Variants in SYNPR observed in about 807,000 individuals in gnomAD.
SYNPR encodes synaptoporin.
In SYNPR, 23 loss-of-function variants were observed where a neutral mutation model predicts 32.9. That is an observed-to-expected ratio of 0.70 (90% confidence interval 0.50 to 0.99). The LOEUF (loss-of-function observed/expected upper bound fraction) is 0.99, where lower values mean the gene tolerates loss of function less well. SYNPR is among the 50% of genes least tolerant of loss of function. SYNPR has a pLI of 0.00. For missense variants in SYNPR, 318 were observed against 349.3 expected (o/e 0.91, Z 0.71); for synonymous variants, 146 against 135.9 (o/e 1.07, Z -0.52).
At chr3:63,481,235 T>C (rs1471859949) in intron 3 of SYNPR, among the ~76,000 whole-genome samples, 3 of 151,868 alleles carry the variant, frequency 2.0e-5, no homozygotes, top group African/African-American at 7.3e-5. Context: ...GAAAGGGAGA[T>C]TGGAGAAGTA....
chr3:63,568,857 G>C (rs1269562310), intron 4 of SYNPR, among the ~76,000 whole-genome samples: 1 of 152,154 alleles, frequency 6.6e-6, no homozygotes, highest in Non-Finnish European at 1.5e-5. Context: ...TTGCTGGTTT[G>C]ATTTAGGTTT....
intron 3 of SYNPR, among the ~76,000 whole-genome samples, chr3:63,272,681 G>C (rs1315405302): frequency 6.6e-6 from 1 of 152,038 alleles, no homozygotes; most frequent in East Asian, 1.9e-4. Flanking sequence ...ACAATGAAAT[G>C]CCATACCTTC....
Position 63,375,094 on chromosome 3 carries a change from G to T in SYNPR, c.84+96352G>T, listed in dbSNP as rs138211952. 2.1e-3 allele frequency among the ~76,000 whole-genome samples: 317 copies of T among 152,330 alleles called. 1 individual carries two copies. The highest frequency in any genetic ancestry group is 7.3e-3 in the African/African-American group (305 of 41,560). On this transcript the variant is annotated intron_variant, in intron 2 of 5. Transcript: ENST00000478300. ...AAACAGATGCTGGAGAGGATGCAGAGAAATAGGAACACTTTTACACTGTTG... is the reference window on the plus strand; with the variant it reads ...AAACAGATGCTGGAGAGGATGCAGATAAATAGGAACACTTTTACACTGTTG...
At chr3:63,370,924 T>A (rs1423769888) in intron 2 of SYNPR, among the ~76,000 whole-genome samples, 2 of 151,978 alleles carry the variant, frequency 1.3e-5, no homozygotes, top group African/African-American at 4.8e-5. Context: ...AGAATTTAAA[T>A]ATGGGGGAGA....
At chr3:63,515,819 T>C (rs1701787099) in intron 3 of SYNPR, among the ~76,000 whole-genome samples, 1 of 152,156 alleles carries the variant, frequency 6.6e-6, no homozygotes. Flanking sequence ...ACTATAGTCA[T>C]ATTACTGTTT....
At chr3:63,356,917 G>A (rs9841856) in intron 2 of SYNPR, among the ~76,000 whole-genome samples, 1 of 152,182 alleles carries the variant, frequency 6.6e-6, no homozygotes, top group Non-Finnish European at 1.5e-5. Flanking sequence ...GCTGGCTCTA[G>A]AAGCAAAATA....
chr3:63,219,219 T>G, the SYNPR span, among the ~76,000 whole-genome samples: 1 of 152,138 alleles, frequency 6.6e-6, no homozygotes, highest in Non-Finnish European at 1.5e-5. Context: ...GTGCCAAGCG[T>G]GAGTGGAAGA....
intron 2 of SYNPR, among the ~76,000 whole-genome samples, chr3:63,342,534 G>T (rs915849472): frequency 2.6e-5 from 4 of 152,118 alleles, no homozygotes; most frequent in African/African-American, 9.7e-5. Flanking sequence ...TTTTGTTGAT[G>T]ATTTTATGTC....
At chr3:63,353,251 A>C (rs760100032) in intron 2 of SYNPR, among the ~76,000 whole-genome samples, 3 of 152,226 alleles carry the variant, frequency 2.0e-5, no homozygotes, top group Non-Finnish European at 4.4e-5. Flanking sequence ...AGAAAAACAC[A>C]AATAGAGTGT....
chr3:63,553,808 G>A lies in SYNPR; in HGVS notation c.210-2735G>A, dbSNP rs368829702. 4.6e-5 allele frequency among the ~76,000 whole-genome samples: 7 copies of A among 152,174 alleles called. No homozygotes were observed. In the South Asian group the frequency reaches 1.2e-3, roughly 27 times the overall value. On this transcript the variant is annotated intron_variant, in intron 3 of 5. Transcript: ENST00000478300. ...GCGATCTCGGCTCATCGCAACCTCC[G>A]CCTCCTAGGTTCAAGTGATTCTCCT...
upstream of SYNPR, among the ~76,000 whole-genome samples, chr3:63,273,817 TG>T (rs1470596280): frequency 2.0e-5 from 3 of 152,226 alleles, no homozygotes; most frequent in African/African-American, 4.8e-5. Flanking sequence ...TATTCTTGCA[TG>T]TTTTTTTGCA....
intron 3 of SYNPR, among the ~76,000 whole-genome samples, chr3:63,520,120 T>C (rs1701877715): frequency 6.6e-6 from 1 of 152,230 alleles, no homozygotes; most frequent in Non-Finnish European, 1.5e-5. Flanking sequence ...TACAGCATAA[T>C]TTTAATATGT....
At chr3:63,535,052 C>G (rs1410404395) in intron 3 of SYNPR, among the ~76,000 whole-genome samples, 5 of 152,074 alleles carry the variant, frequency 3.3e-5, no homozygotes, top group African/African-American at 9.7e-5. Context: ...TATTAGGAAA[C>G]TAGGGATCAA....
At chr3:63,494,212 G>A (rs1198494072) in intron 3 of SYNPR, among the ~76,000 whole-genome samples, 1 of 151,092 alleles carries the variant, frequency 6.6e-6, no homozygotes, top group African/African-American at 2.4e-5. Context: ...AACTTGAAAA[G>A]AAAGCAAATG....
At chr3:63,427,981 T>G (rs1479157805) in intron 2 of SYNPR, among the ~76,000 whole-genome samples, 1 of 152,254 alleles carries the variant, frequency 6.6e-6, no homozygotes, top group Non-Finnish European at 1.5e-5. Context: ...AGTAATTACC[T>G]CTAAGCACTA....
At position 63,381,837 on chromosome 3, in the gene SYNPR, C is replaced by A. The variant is rs113751481; in HGVS notation, c.85-98995C>A. Among the ~76,000 whole-genome samples the A allele has an allele frequency of 2.6e-5, 4 of 152,216 alleles. No homozygotes were observed. In the South Asian group the frequency reaches 8.3e-4, roughly 32 times the overall value. ...CTTCCTGTGGATTACTGAAACATCT[C>A]TTTAAATTTCATTTTGATTTACACT... On this transcript the variant is annotated intron_variant, in intron 2 of 5. Coordinates refer to ENST00000478300, the MANE Select transcript of SYNPR (RefSeq NM_001130003.2).
intron 2 of SYNPR, among the ~76,000 whole-genome samples, chr3:63,314,264 G>T (rs1243446835): frequency 6.6e-6 from 1 of 150,644 alleles, no homozygotes; most frequent in South Asian, 2.1e-4. Context: ...TGGACCAAAT[G>T]GTAGTTCAGT....
At chr3:63,433,186 G>C (rs911263532) in intron 2 of SYNPR, among the ~76,000 whole-genome samples, 1 of 152,140 alleles carries the variant, frequency 6.6e-6, no homozygotes, top group African/African-American at 2.4e-5. Flanking sequence ...AACAAGTGGC[G>C]CTACAGCCCC....
chr3:63,310,379 G>A (rs2086951756), intron 2 of SYNPR, among the ~76,000 whole-genome samples: 1 of 152,030 alleles, frequency 6.6e-6, no homozygotes. Flanking sequence ...TAGGTTGGAA[G>A]TTCAAATCAT....
Sources: gnomAD v4.1 joint callset for allele counts (sites outside exome capture counted in the v4.1 genomes callset) on GRCh38, gnomAD v4.1.1 for gene constraint, MANE v1.5 for transcripts, NCBI Gene and HGNC (gene_info 2026-07-23, HGNC 2026-07-21) for gene names.